Variants in PSMA8 observed in about 807,000 individuals in gnomAD.
The protein encoded by PSMA8 is proteasome 20S subunit alpha 8, also known as proteasome subunit alpha-type 8.
Under a neutral mutation model 32.4 loss-of-function variants are expected in PSMA8, and 18 were observed. That is an observed-to-expected ratio of 0.56 (90% CI 0.38 to 0.82). PSMA8 has a LOEUF of 0.82. Among genes scored for constraint, PSMA8 ranks in the 40% least tolerant of loss-of-function variants. The pLI is 0.00. For synonymous variants in PSMA8, 104 were observed against 98.1 expected (o/e 1.06, Z -0.36); for missense variants, 298 against 300.7 (o/e 0.99, Z 0.07).
At chr18:26,174,925 A>G (rs937648438) in intron 4 of PSMA8, among the ~76,000 whole-genome samples, 1 of 152,226 alleles carries the variant, frequency 6.6e-6, no homozygotes, top group Non-Finnish European at 1.5e-5. Flanking sequence ...CCCTTTGATC[A>G]TAAATCCTTT....
At chr18:26,150,314 TTTAAAC>T (rs1244320390) in intron 2 of PSMA8, among the ~76,000 whole-genome samples, 2 of 152,130 alleles carry the variant, frequency 1.3e-5, no homozygotes, top group African/African-American at 2.4e-5. Context: ...AAATTGTAAT[TTTAAAC>T]TTAAATTTTA....
At chr18:26,165,064 C>T (rs2055167200) in intron 4 of PSMA8, among the ~76,000 whole-genome samples, 1 of 152,028 alleles carries the variant, frequency 6.6e-6, no homozygotes, top group Admixed American at 6.6e-5. Context: ...ATTACAGGTG[C>T]CTGCCACCAT....
intron 4 of PSMA8, among the ~76,000 whole-genome samples, chr18:26,160,045 TA>T: frequency 6.6e-6 from 1 of 152,330 alleles, no homozygotes; most frequent in African/African-American, 2.4e-5. Flanking sequence ...CTCACTTCTG[TA>T]GTCCCAGCAC....
chr18:26,135,615 C>T (rs1568051263), intron 1 of PSMA8, among the ~76,000 whole-genome samples: 1 of 152,034 alleles, frequency 6.6e-6, no homozygotes, highest in Non-Finnish European at 1.5e-5. Context: ...TTGATAAAAA[C>T]AAAAAGTTAT....
chr18:26,166,650 G>A (rs1363659608), intron 4 of PSMA8, among the ~76,000 whole-genome samples: 1 of 152,176 alleles, frequency 6.6e-6, no homozygotes, highest in African/African-American at 2.4e-5. Context: ...TGAATTGCAA[G>A]CTAAAACAGC....
At chr18:26,139,633 C>G (rs2054938670) in intron 1 of PSMA8, among the ~76,000 whole-genome samples, 1 of 152,166 alleles carries the variant, frequency 6.6e-6, no homozygotes, top group South Asian at 2.1e-4. Context: ...CTTGAGTACC[C>G]TTCTGTGTTC....
chr18:26,158,163 T>C lies in PSMA8; in HGVS notation c.396T>C (p.Ser132=), dbSNP rs149476347. The C allele has an allele frequency of 2.0e-4, 328 of 1,605,620 alleles. 2 individuals are homozygous for C. In the Middle Eastern group the frequency reaches 5.0e-3, roughly 24 times the overall value. The change falls in exon 4 of 7, where the codon TCT becomes TCC. Residue 132 remains serine (S), a synonymous_variant. Transcript: ENST00000415576. The part of the protein sequence containing the change: ...QSNGRRPFGI[S]ALIVGFDDDG... ...ATGGACGAAGACCTTTTGGTATTTC[T>C]GCCTTAATTGTAGGTTTTGATGATG...
Position 26,193,355 on chromosome 18 carries a change from C to A in PSMA8, c.*944C>A, listed in dbSNP as rs2055419037. 1 of 152,084 alleles carries A rather than the reference C, an allele frequency of 6.6e-6. No individual in the cohort carries two copies. Among genetic ancestry groups the A allele is most frequent in the Non-Finnish European group, 1.5e-5 (1 of 68,004 alleles). 9.4% of individuals were successfully genotyped at this position (152,084 alleles called of 1,614,324 possible). On this transcript the variant is annotated 3_prime_UTR_variant, in exon 7 of 7. Transcript: ENST00000415576. ...TTGAAAATAAAAGCTAGTAAATATT[C>A]TTTCTGTTGTTTTAATTAATTGTTT...
chr18:26,166,500 C>T (rs2055181127), intron 4 of PSMA8, among the ~76,000 whole-genome samples: 1 of 152,032 alleles, frequency 6.6e-6, no homozygotes, highest in Admixed American at 6.6e-5. Flanking sequence ...TTGATGAAAC[C>T]ATAAAGATTG....
At chr18:26,166,210 T>C (rs952665494) in intron 4 of PSMA8, among the ~76,000 whole-genome samples, 1 of 152,192 alleles carries the variant, frequency 6.6e-6, no homozygotes, top group Non-Finnish European at 1.5e-5. Context: ...CTTTATACGC[T>C]TAAAGGATTT....
chr18:26,183,512 C>T (rs1456560568), intron 6 of PSMA8, among the ~76,000 whole-genome samples: 1 of 150,774 alleles, frequency 6.6e-6, no homozygotes. Flanking sequence ...GAAGTCACTG[C>T]AGATGTGGTA....
intron 1 of PSMA8, among the ~76,000 whole-genome samples, chr18:26,134,902 C>T (rs548787860): frequency 7.3e-5 from 11 of 151,564 alleles, no homozygotes; most frequent in Non-Finnish European, 1.2e-4. Context: ...TGCGGTGAGC[C>T]GAGATCGTGC....
Position 26,179,104 on chromosome 18 carries a change from A to G in PSMA8, c.634A>G (p.Ile212Val), listed in dbSNP as rs1363205679. Residue 212 changes from isoleucine to valine, a missense_variant, in exon 6 of 7, where the codon ATA (isoleucine) becomes GTA (valine). By Grantham distance (29) the Ile-to-Val change is conservative. Transcript: ENST00000415576. The part of the protein sequence containing the change: ...QSGGKNIELA[I>V]IRRNQPLKMF... ...TGGTGGAAAAAACATTGAACTTGCT[A>G]TAATAAGAAGAAATCAACCTTTGAA... 6.2e-7 allele frequency: 1 copy of G among 1,612,576 alleles called. No individual in the cohort carries two copies. The highest frequency in any genetic ancestry group is 8.5e-7 in the Non-Finnish European group (1 of 1,179,038).
At chr18:26,170,802 T>G in intron 4 of PSMA8, 2 of 1,558,002 alleles carry the variant, frequency 1.3e-6, no homozygotes, top group Non-Finnish European at 1.7e-6. Flanking sequence ...ACCTGGGTAT[T>G]CTGGCAGAAG....
intron 1 of PSMA8, among the ~76,000 whole-genome samples, chr18:26,139,569 A>G (rs2144268762): frequency 6.6e-6 from 1 of 152,300 alleles, no homozygotes; most frequent in South Asian, 2.1e-4. Context: ...TTTGAAGTGC[A>G]TTGTTTCTCT....
At chr18:26,175,528 C>T (rs1278534605) in intron 4 of PSMA8, among the ~76,000 whole-genome samples, 2 of 152,120 alleles carry the variant, frequency 1.3e-5, no homozygotes, top group Non-Finnish European at 2.9e-5. Flanking sequence ...TGGAAGAGCA[C>T]ATGACCTTAC....
At chr18:26,141,130 T>C (rs765755069) in intron 1 of PSMA8, among the ~76,000 whole-genome samples, 1 of 152,178 alleles carries the variant, frequency 6.6e-6, no homozygotes, top group Non-Finnish European at 1.5e-5. Flanking sequence ...ATCAGTTTTG[T>C]TGTTTTCTCC....
chr18:26,179,517 C>T (rs986574237), intron 6 of PSMA8, among the ~76,000 whole-genome samples: 3 of 152,072 alleles, frequency 2.0e-5, no homozygotes, highest in South Asian at 2.1e-4. Flanking sequence ...ATACGTAGCA[C>T]GATAACCTTT....
intron 1 of PSMA8, among the ~76,000 whole-genome samples, chr18:26,136,691 G>A (rs1224343705): frequency 2.0e-5 from 3 of 152,058 alleles, no homozygotes; most frequent in African/African-American, 7.2e-5. Flanking sequence ...TATTTGACCT[G>A]ATATTTTCTT....
Sources: gnomAD v4.1 joint callset for allele counts (sites outside exome capture counted in the v4.1 genomes callset) on GRCh38, gnomAD v4.1.1 for gene constraint, MANE v1.5 for transcripts, NCBI Gene and HGNC (gene_info 2026-07-23, HGNC 2026-07-21) for gene names.